The following DLGAP1 variants were observed in gnomAD, a reference collection of about 807,000 sequenced individuals.
DLGAP1 encodes the protein disks large-associated protein 1.
Under a neutral mutation model 90.8 loss-of-function variants are expected in DLGAP1, and 11 were observed. That is an observed-to-expected ratio of 0.12 (90% CI 0.08 to 0.20). The LOEUF (loss-of-function observed/expected upper bound fraction) is 0.20, where lower values mean the gene tolerates loss of function less well. DLGAP1 is among the 10% of genes least tolerant of loss of function. The pLI, the probability that DLGAP1 is intolerant of heterozygous loss-of-function variation, is 1.00. For synonymous variants in DLGAP1, 558 were observed against 540.7 expected, an observed-to-expected ratio of 1.03 and a Z score of -0.44; for missense variants, 1,050 against 1,333.8, an observed-to-expected ratio of 0.79 and a Z score of 3.31.
At chr18:3,545,285 G>GA (rs927213874) in intron 9 of DLGAP1, among the ~76,000 whole-genome samples, 16 of 140,070 alleles carry the variant, frequency 1.1e-4, no homozygotes, top group South Asian at 1.1e-3. Context: ...AAAACAAAAA[G>GA]AAAAAAAAAA....
At chr18:3,601,047 T>C (rs1027070142) in intron 7 of DLGAP1, among the ~76,000 whole-genome samples, 1 of 145,904 alleles carries the variant, frequency 6.9e-6, no homozygotes, top group Non-Finnish European at 1.5e-5. Flanking sequence ...GATAAAGATA[T>C]AGATAGATAT....
intron 7 of DLGAP1, among the ~76,000 whole-genome samples, chr18:3,671,561 A>T (rs1229995740): frequency 1.3e-5 from 2 of 152,210 alleles, no homozygotes; most frequent in Non-Finnish European, 2.9e-5. Context: ...CTTGAGCAGA[A>T]ATGTCAACCA....
chr18:4,296,942 C>G (rs1029497485), intron 1 of DLGAP1, among the ~76,000 whole-genome samples: 1 of 152,134 alleles, frequency 6.6e-6, no homozygotes, highest in Non-Finnish European at 1.5e-5. Flanking sequence ...AGCACTTCCC[C>G]AGAAGTGATG....
chr18:3,731,419 C>G (rs1023858583), intron 6 of DLGAP1, among the ~76,000 whole-genome samples: 11 of 151,964 alleles, frequency 7.2e-5, no homozygotes, highest in African/African-American at 2.7e-4. Flanking sequence ...CTAGGTTAAA[C>G]TTATATTCTT....
intron 1 of DLGAP1, among the ~76,000 whole-genome samples, chr18:4,393,721 C>T (rs1189972591): frequency 6.6e-6 from 1 of 152,176 alleles, no homozygotes; most frequent in East Asian, 1.9e-4. Context: ...CAGTCCCCAA[C>T]CCTTTCGGCA....
At chr18:3,845,615 A>G (rs2068962841) in intron 4 of DLGAP1, 1 of 985,288 alleles carries the variant, frequency 1.0e-6, no homozygotes, top group Admixed American at 6.2e-5. Context: ...ATCTTTCATT[A>G]TCTCAGTAAA....
intron 1 of DLGAP1, among the ~76,000 whole-genome samples, chr18:4,371,208 G>C (rs2081909159): frequency 6.6e-6 from 1 of 152,110 alleles, no homozygotes; most frequent in Admixed American, 6.5e-5. Context: ...TTATAGTCTA[G>C]CCAACAAAAC....
intron 1 of DLGAP1, among the ~76,000 whole-genome samples, chr18:4,446,598 T>C (rs1004785826): frequency 6.6e-6 from 1 of 152,188 alleles, no homozygotes; most frequent in Non-Finnish European, 1.5e-5. Flanking sequence ...ATAAAAGTCT[T>C]GAAGAACTAA....
intron 1 of DLGAP1, among the ~76,000 whole-genome samples, chr18:4,217,932 A>C (rs2077991756): frequency 6.6e-6 from 1 of 152,030 alleles, no homozygotes; most frequent in Non-Finnish European, 1.5e-5. Flanking sequence ...CCAAGTTATC[A>C]ATTTTTTTCT....
At chr18:3,520,211 G>T (rs577581588) in intron 10 of DLGAP1, among the ~76,000 whole-genome samples, 37 of 151,456 alleles carry the variant, frequency 2.4e-4, no homozygotes, top group African/African-American at 8.0e-4. Flanking sequence ...TCCCATCTAC[G>T]TGTGTCCTTG....
intron 1 of DLGAP1, among the ~76,000 whole-genome samples, chr18:4,323,009 G>A (rs1271513408): frequency 6.9e-6 from 1 of 145,686 alleles, no homozygotes; most frequent in East Asian, 2.0e-4. Flanking sequence ...AGAGACTGCA[G>A]AAACAACTCA....
At chr18:3,652,811 A>G (rs1433503830) in intron 7 of DLGAP1, among the ~76,000 whole-genome samples, 1 of 152,248 alleles carries the variant, frequency 6.6e-6, no homozygotes, top group Non-Finnish European at 1.5e-5. Flanking sequence ...ATCGCCTTGC[A>G]GACAAGTCTC....
intron 7 of DLGAP1, among the ~76,000 whole-genome samples, chr18:3,622,030 G>A (rs2058111751): frequency 6.6e-6 from 1 of 152,124 alleles, no homozygotes; most frequent in African/African-American, 2.4e-5. Flanking sequence ...GGGTACCTGT[G>A]GAGCCTCTGA....
chr18:3,740,499 G>A (rs2062852226), intron 6 of DLGAP1, among the ~76,000 whole-genome samples: 2 of 152,186 alleles, frequency 1.3e-5, no homozygotes, highest in South Asian at 4.2e-4. Context: ...CTCTGCCCTT[G>A]GAGCCTGCCC....
intron 2 of DLGAP1, among the ~76,000 whole-genome samples, chr18:4,080,671 T>C (rs149730879): frequency 6.6e-6 from 1 of 152,304 alleles, no homozygotes; most frequent in African/African-American, 2.4e-5. Flanking sequence ...GTTTCATCTA[T>C]AGAACAAGAC....
At chr18:4,251,366 C>T (rs2078775893) in intron 1 of DLGAP1, among the ~76,000 whole-genome samples, 1 of 152,164 alleles carries the variant, frequency 6.6e-6, no homozygotes, top group Non-Finnish European at 1.5e-5. Flanking sequence ...GCACCAGGGT[C>T]AGAGGAGGTC....
In DLGAP1 at chr18:3,627,854, C is replaced by T. The variant is rs1235151556; in HGVS notation, c.1592-45606G>A. 2.7e-5 allele frequency among the ~76,000 whole-genome samples: 4 copies of T among 149,936 alleles called. No individual in the cohort carries two copies. In the East Asian group the frequency reaches 7.9e-4, roughly 30 times the overall value. ...TTCTTTCTTTCTTCCTTCCTTCCCT[C>T]CCTTCCTCCCTCCTTCCTTCCTTTT... On this transcript the variant is annotated intron_variant, in intron 7 of 12. Coordinates refer to ENST00000315677, the MANE Select transcript of DLGAP1 (RefSeq NM_004746.4).
At chr18:3,785,184 G>A (rs548163468) in intron 5 of DLGAP1, among the ~76,000 whole-genome samples, 6 of 152,276 alleles carry the variant, frequency 3.9e-5, no homozygotes, top group Admixed American at 6.5e-5. Flanking sequence ...ATTACCACAA[G>A]CTTAGAGGCT....
intron 5 of DLGAP1, among the ~76,000 whole-genome samples, chr18:3,777,385 A>G (rs77208707): frequency 0.013 from 2,042 of 152,332 alleles, 61 homozygotes; most frequent in African/African-American, 0.048. Flanking sequence ...TGACCATTTC[A>G]GGGAAGAAAC....
Sources: allele counts gnomAD v4.1 joint callset (sites outside exome capture counted in the v4.1 genomes callset), GRCh38; gene constraint gnomAD v4.1.1; transcripts MANE v1.5; gene names NCBI Gene and HGNC (gene_info 2026-07-23, HGNC 2026-07-21).